TPD52: variants seen among roughly 807,000 people sequenced by gnomAD.
The protein encoded by TPD52 is prostate and colon associated protein.
A neutral mutation model predicts 31.3 loss-of-function variants in TPD52; 17 were observed. That is an observed-to-expected ratio of 0.54 (90% CI 0.37 to 0.82). The LOEUF is 0.82. Ranked by LOEUF, TPD52 falls within the 40% of genes least tolerant of loss-of-function variation. The pLI is 0.00. For missense variants in TPD52, 212 were observed against 240.1 expected (o/e 0.88, Z 0.77); for synonymous variants, 83 against 89.6 (o/e 0.93, Z 0.42).
intron 1 of TPD52, among the ~76,000 whole-genome samples, chr8:80,072,296 G>A (rs535941200): frequency 7.1e-6 from 1 of 141,558 alleles, no homozygotes; most frequent in Non-Finnish European, 1.6e-5. Flanking sequence ...GACAGAGAGA[G>A]ACTCCATCTA....
chr8:80,064,557 T>C lies in TPD52; in HGVS notation c.56A>G (p.Glu19Gly). 6.2e-7 allele frequency: 1 copy of C among 1,614,182 alleles called. No homozygotes were observed. The highest frequency in any genetic ancestry group is 8.5e-7 in the Non-Finnish European group (1 of 1,180,014). ...LRTDPVPEEG[E>G]DVAATISATE... is the part of the protein sequence containing the mutation. ...GGCACTGATCGTGGCAGCAACATCT[T>C]CTCCTTCCTCAGGGACTGGGTCTGT... The change falls in exon 2 of 8, where the codon GAA (glutamate) becomes GGA (glycine). Residue 19 changes from glutamate (E) to glycine (G), a missense_variant. Glu to Gly is a moderately conservative substitution (Grantham distance 98). Transcript: ENST00000518937.
At chr8:80,120,573 A>T (rs1214974371) in intron 1 of TPD52, among the ~76,000 whole-genome samples, 1 of 152,200 alleles carries the variant, frequency 6.6e-6, no homozygotes, top group Non-Finnish European at 1.5e-5. Context: ...AACACAATAT[A>T]TGCATAGAAG....
intron 1 of TPD52, among the ~76,000 whole-genome samples, chr8:80,104,793 C>T (rs1806989561): frequency 6.6e-6 from 1 of 151,934 alleles, no homozygotes; most frequent in African/African-American, 2.4e-5. Flanking sequence ...GGCGTGCTGA[C>T]TCACACCTGT....
intron 1 of TPD52, among the ~76,000 whole-genome samples, chr8:80,110,766 T>G (rs980059748): frequency 2.6e-5 from 4 of 152,194 alleles, no homozygotes; most frequent in Admixed American, 2.6e-4. Context: ...AATCTCTAAC[T>G]AGGAACTTTC....
intron 1 of TPD52, among the ~76,000 whole-genome samples, chr8:80,126,852 C>A (rs940897033): frequency 1.3e-5 from 2 of 152,048 alleles, no homozygotes; most frequent in Non-Finnish European, 2.9e-5. Flanking sequence ...AGGCAGGGCA[C>A]AATGGCTCAT....
intron 1 of TPD52, among the ~76,000 whole-genome samples, chr8:80,155,004 T>G (rs1810858059): frequency 6.7e-6 from 1 of 149,618 alleles, no homozygotes; most frequent in Admixed American, 6.6e-5. Flanking sequence ...GTTTTTTGTT[T>G]TTTTTTTTTT....
At chr8:80,154,343 G>T (rs1180532598) in intron 1 of TPD52, among the ~76,000 whole-genome samples, 1 of 152,154 alleles carries the variant, frequency 6.6e-6, no homozygotes, top group East Asian at 1.9e-4. Context: ...CTAGACACAG[G>T]TGAGGCTCTC....
At chr8:80,108,916 C>T (rs543090509) in intron 1 of TPD52, among the ~76,000 whole-genome samples, 23 of 152,300 alleles carry the variant, frequency 1.5e-4, no homozygotes, top group African/African-American at 4.8e-4. Context: ...ACCTGATCCT[C>T]GGGAACTTGG....
intron 1 of TPD52, among the ~76,000 whole-genome samples, chr8:80,091,343 C>G (rs1816245455): frequency 6.6e-6 from 1 of 152,092 alleles, no homozygotes; most frequent in Non-Finnish European, 1.5e-5. Flanking sequence ...GTGGCGGGCA[C>G]CTGTAGTCCC....
At chr8:80,161,728 ATATATT>A (rs142197366) in intron 1 of TPD52, among the ~76,000 whole-genome samples, 48,131 of 121,316 alleles carry the variant, frequency 0.4, 8,911 homozygotes, top group East Asian at 0.67. Context: ...ATATATATAT[ATATATT>A]TTTTTTTTTT....
At chr8:80,033,691 T>C (rs563556133), downstream of TPD52, among the ~76,000 whole-genome samples, 1 of 152,148 alleles carries the variant, frequency 6.6e-6, no homozygotes, top group African/African-American at 2.4e-5. Flanking sequence ...TGGACAACCG[T>C]AGGGTGAGCA....
chr8:80,124,712 T>G (rs1339422090), intron 1 of TPD52, among the ~76,000 whole-genome samples: 1 of 152,068 alleles, frequency 6.6e-6, no homozygotes. Flanking sequence ...GAGAAAGAAT[T>G]TTTTTTTAAG....
intron 1 of TPD52, chr8:80,080,540 G>C (rs1815157438): frequency 6.6e-7 from 1 of 1,523,048 alleles, no homozygotes; most frequent in Non-Finnish European, 8.8e-7. Context: ...CCCTTTGTAG[G>C]GTGCAACTTC....
chr8:80,089,976 G>T (rs939927212), intron 1 of TPD52, among the ~76,000 whole-genome samples: 20 of 152,254 alleles, frequency 1.3e-4, no homozygotes, highest in South Asian at 1.0e-3. Flanking sequence ...AGAAGCCACA[G>T]GACTTGGGGT....
chr8:80,122,960 G>GC (rs1808361787), intron 1 of TPD52: 1 of 152,390 alleles, frequency 6.6e-6, no homozygotes, highest in East Asian at 1.9e-4. Context: ...CTCTAGGCCA[G>GC]CAAGGGCATG....
intron 1 of TPD52, chr8:80,080,853 A>G (rs1815193782): frequency 1.5e-6 from 1 of 648,124 alleles, no homozygotes; most frequent in Non-Finnish European, 1.9e-6. Flanking sequence ...ACAAGAAACT[A>G]CAATTTATTT....
chr8:80,099,402 T>A (rs1806563511), intron 1 of TPD52, among the ~76,000 whole-genome samples: 1 of 152,068 alleles, frequency 6.6e-6, no homozygotes, highest in African/African-American at 2.4e-5. Flanking sequence ...GTTTTGAATA[T>A]CTGGCCAAGC....
At chr8:80,165,865 A>C (rs144710968) in intron 1 of TPD52, among the ~76,000 whole-genome samples, 1 of 142,184 alleles carries the variant, frequency 7.0e-6, no homozygotes, top group Non-Finnish European at 1.5e-5. Context: ...TTTAATTCCT[A>C]GGCCTCGCCA....
At chr8:80,153,214 C>T (rs747730052) in intron 1 of TPD52, among the ~76,000 whole-genome samples, 1 of 152,188 alleles carries the variant, frequency 6.6e-6, no homozygotes, top group Non-Finnish European at 1.5e-5. Context: ...AAAATACGAA[C>T]TACATTAAGT....
Sources: gnomAD v4.1 joint callset for allele counts (sites outside exome capture counted in the v4.1 genomes callset) on GRCh38, gnomAD v4.1.1 for gene constraint, MANE v1.5 for transcripts, NCBI Gene and HGNC (gene_info 2026-07-23, HGNC 2026-07-21) for gene names.